MCC: variants seen among roughly 807,000 people sequenced by gnomAD.
MCC encodes the protein colorectal mutant cancer protein.
In MCC, 90 loss-of-function variants were observed where a neutral mutation model predicts 116.2. The ratio of observed to expected loss-of-function variants is 0.77; its 90% CI spans 0.65 to 0.92. The LOEUF (loss-of-function observed/expected upper bound fraction) is 0.92. Among genes scored for constraint, MCC ranks in the 40% least tolerant of loss-of-function variants. The pLI is 0.00. For missense variants in MCC, 1,516 were observed against 1,312.2 expected (o/e 1.16, Z -2.40); for synonymous variants, 578 against 510.5 (o/e 1.13, Z -1.78).
chr5:113,470,276 T>C (rs2150430646), intron 1 of MCC, among the ~76,000 whole-genome samples: 1 of 152,352 alleles, frequency 6.6e-6, no homozygotes, highest in African/African-American at 2.4e-5. Flanking sequence ...CTTCCTAGCC[T>C]TGATCGTCTT....
chr5:113,210,937 C>T (rs1763113130), intron 3 of MCC, among the ~76,000 whole-genome samples: 1 of 152,182 alleles, frequency 6.6e-6, no homozygotes, highest in Non-Finnish European at 1.5e-5. Flanking sequence ...AAGCTCTTGA[C>T]CTTCCCTCAA....
intron 17 of MCC, among the ~76,000 whole-genome samples, chr5:113,037,768 G>A (rs991328301): frequency 2.0e-5 from 3 of 152,100 alleles, no homozygotes; most frequent in African/African-American, 7.2e-5. Flanking sequence ...GCTTCAAGAT[G>A]GTAAGCATTC....
In MCC at chr5:113,477,772, A is replaced by C. The variant is rs143451352; in HGVS notation, c.170+10473T>G. On this transcript the variant is annotated intron_variant, in intron 1 of 18. Coordinates refer to ENST00000408903, the MANE Select transcript of MCC (RefSeq NM_001085377.2). ...AAGACTCCTCTAGTCATGCCAAACAAAGAAAGCTTAAAGGCAAGCTTCCAA... is the reference window on the plus strand; with the variant it reads ...AAGACTCCTCTAGTCATGCCAAACACAGAAAGCTTAAAGGCAAGCTTCCAA... Among the ~76,000 whole-genome samples, 418 of 152,322 alleles carry C rather than the reference A, an allele frequency of 2.7e-3. 2 individuals are homozygous for C. Among genetic ancestry groups the C allele is most frequent in the African/African-American group, 9.8e-3 (406 of 41,578 alleles).
intron 3 of MCC, among the ~76,000 whole-genome samples, chr5:113,190,745 A>C (rs1762116680): frequency 6.6e-6 from 1 of 152,234 alleles, no homozygotes; most frequent in African/African-American, 2.4e-5. Flanking sequence ...AGGAGAACCC[A>C]GGGCAGGGGC....
At position 113,046,520 on chromosome 5, in the gene MCC, A is replaced by T. The variant is rs115751030; in HGVS notation, c.2655+2573T>A. ...TTTCCTTACTTTGAAGCCACTCCACATAACAGTATTTCACCCAGTCAAAAT... is the reference window on the plus strand; with the variant it reads ...TTTCCTTACTTTGAAGCCACTCCACTTAACAGTATTTCACCCAGTCAAAAT... On this transcript the variant is annotated intron_variant, in intron 16 of 18. Transcript: ENST00000408903. Among the ~76,000 whole-genome samples the T allele has an allele frequency of 3.9e-3, 589 of 152,020 alleles. 3 individuals carry two copies. Among genetic ancestry groups the T allele is most frequent in the African/African-American group, 0.014 (566 of 41,448 alleles).
intron 12 of MCC, among the ~76,000 whole-genome samples, chr5:113,068,567 T>C (rs1307025739): frequency 6.6e-6 from 1 of 152,180 alleles, no homozygotes. Flanking sequence ...TGTACCAGGG[T>C]TGGTCTGTGT....
Position 113,434,081 on chromosome 5 carries a change from C to A in MCC, c.171-48869G>T. 6.2e-7 allele frequency: 1 copy of A among 1,614,194 alleles called. No individual in the cohort carries two copies. The highest frequency in any genetic ancestry group is 8.5e-7 in the Non-Finnish European group (1 of 1,180,004). On this transcript the variant is annotated intron_variant, in intron 1 of 18. Coordinates refer to ENST00000408903, the MANE Select transcript of MCC (RefSeq NM_001085377.2). This position sits in a 1 kb window ranked among gnomAD's most constrained non-coding sequence, Gnocchi z 4.2. Reference sequence around the variant, plus strand: ...GGAGCCGCCGGTTGACGTCGGGCTGCAGCATGTGGTAGATGAGGTCCTTGC... The same window carrying A: ...GGAGCCGCCGGTTGACGTCGGGCTGAAGCATGTGGTAGATGAGGTCCTTGC...
At chr5:113,131,095 C>T (rs1758400216) in intron 5 of MCC, among the ~76,000 whole-genome samples, 1 of 152,108 alleles carries the variant, frequency 6.6e-6, no homozygotes, top group South Asian at 2.1e-4. Flanking sequence ...CACACAGCAG[C>T]AGTGAGCTAA....
intron 3 of MCC, among the ~76,000 whole-genome samples, chr5:113,275,752 T>G (rs1434715659): frequency 6.6e-6 from 1 of 152,142 alleles, no homozygotes; most frequent in African/African-American, 2.4e-5. Context: ...TGATTTAAAG[T>G]ATACAGGAGG....
At chr5:113,058,533 G>C (rs1752992974) in intron 14 of MCC, among the ~76,000 whole-genome samples, 2 of 152,180 alleles carry the variant, frequency 1.3e-5, no homozygotes, top group Non-Finnish European at 2.9e-5. Flanking sequence ...GGCTAAGTGG[G>C]CATTTGCTCA....
At chr5:113,472,491 A>G (rs1772121071) in intron 1 of MCC, among the ~76,000 whole-genome samples, 1 of 152,200 alleles carries the variant, frequency 6.6e-6, no homozygotes, top group Admixed American at 6.5e-5. Flanking sequence ...TAAGGTCACA[A>G]GTTATAATAT....
At chr5:113,394,791 G>A (rs1179217321) in intron 1 of MCC, among the ~76,000 whole-genome samples, 1 of 152,158 alleles carries the variant, frequency 6.6e-6, no homozygotes. Context: ...CTATAGTAAT[G>A]ACTGATTTAT....
intron 3 of MCC, 85 bp downstream of exon 3, chr5:113,340,434 T>C (rs1767980610): frequency 9.1e-7 from 1 of 1,101,362 alleles, no homozygotes; most frequent in Non-Finnish European, 1.4e-6. Context: ...ATACCCGATA[T>C]GTCCCCTGGA....
At chr5:113,103,460 C>T (rs1463849756) in intron 7 of MCC, among the ~76,000 whole-genome samples, 1 of 152,198 alleles carries the variant, frequency 6.6e-6, no homozygotes, top group African/African-American at 2.4e-5. Context: ...ATTGCTTCTC[C>T]CTGCCCTGAA....
intron 2 of MCC, among the ~76,000 whole-genome samples, chr5:113,368,101 A>G (rs1249065874): frequency 6.6e-6 from 1 of 152,210 alleles, no homozygotes; most frequent in East Asian, 1.9e-4. Context: ...CTAACATTTC[A>G]TTAATAATTT....
At chr5:113,454,706 T>C (rs1049381664) in intron 1 of MCC, among the ~76,000 whole-genome samples, 1 of 152,196 alleles carries the variant, frequency 6.6e-6, no homozygotes, top group African/African-American at 2.4e-5. Flanking sequence ...AAGAAGTCCA[T>C]CAACTATAAA....
chr5:113,114,162 T>C (rs1327870551), intron 6 of MCC, among the ~76,000 whole-genome samples: 1 of 152,064 alleles, frequency 6.6e-6, no homozygotes, highest in Non-Finnish European at 1.5e-5. Flanking sequence ...ATGTTAACAA[T>C]TGGTTGATTA....
chr5:113,045,728 G>A (rs931647220), intron 16 of MCC, among the ~76,000 whole-genome samples: 5 of 151,724 alleles, frequency 3.3e-5, no homozygotes, highest in African/African-American at 1.2e-4. Context: ...GAACCTGGTA[G>A]GTGGAGGCTG....
rs376936622 is a variant in MCC, at chr5:113,025,024, CT to C, written c.*2277del. Reference sequence around the variant, plus strand: ...GGAGCCGCCTCTGCCTGGGGGAATTCTCAGAGAAGGGGAGGTTCTCTGATTT... The same window carrying C: ...GGAGCCGCCTCTGCCTGGGGGAATTCCAGAGAAGGGGAGGTTCTCTGATTT... On this transcript the variant is annotated 3_prime_UTR_variant, in exon 19 of 19. Coordinates refer to ENST00000408903, the MANE Select transcript of MCC (RefSeq NM_001085377.2). 138,262 of 152,004 alleles carry C rather than the reference CT, an allele frequency of 0.91. 63,050 individuals carry two copies. The highest frequency in any genetic ancestry group is 0.97 in the African/African-American group (40,146 of 41,466). 9.4% of individuals were successfully genotyped at this position (152,004 alleles called of 1,614,324 possible). A position where few individuals can be genotyped will look rare whatever the true frequency, so the allele number is the denominator to read the frequency against.
Sources: gnomAD v4.1 joint callset for allele counts (sites outside exome capture counted in the v4.1 genomes callset) on GRCh38, gnomAD v4.1.1 for gene constraint, Gnocchi (gnomAD v3.1) non-coding constraint, MANE v1.5 for transcripts, NCBI Gene and HGNC (gene_info 2026-07-23, HGNC 2026-07-21) for gene names.